Variants in POLR2J observed in about 807,000 individuals in gnomAD.
POLR2J encodes RNA polymerase II subunit J.
A neutral mutation model predicts 13.4 loss-of-function variants in POLR2J; 12 were observed. The ratio of observed to expected loss-of-function variants is 0.90; its 90% CI spans 0.57 to 1.45. The LOEUF is 1.45. Among genes scored for constraint, POLR2J ranks in the 40% most tolerant of loss-of-function variants. The pLI, the probability that POLR2J is intolerant of heterozygous loss-of-function variation, is 0.00. For synonymous variants in POLR2J, 31 were observed against 53.6 expected, an observed-to-expected ratio of 0.58 and a Z score of 1.84; for missense variants, 58 against 132.0, an observed-to-expected ratio of 0.44 and a Z score of 2.75.
intron 3 of POLR2J, 66 bp from the exon 4 acceptor site, chr7:102,473,750 G>A: frequency 1.2e-6 from 2 of 1,605,194 alleles, no homozygotes; most frequent in East Asian, 2.2e-5. Context: ...GGAAACACAT[G>A]CCCAGCATCC....
At chr7:102,475,106 G>A (rs1360435679) in intron 2 of POLR2J, among the ~76,000 whole-genome samples, 1 of 152,174 alleles carries the variant, frequency 6.6e-6, no homozygotes, top group Non-Finnish European at 1.5e-5. Flanking sequence ...GTGCATAGGT[G>A]GCAACACTGA....
Position 102,473,478 on chromosome 7 carries a change from A to AGGAATATAAAACCTAATCTATGT in POLR2J, c.*148_*170dup. 1 of 808,798 alleles carries AGGAATATAAAACCTAATCTATGT rather than the reference A, an allele frequency of 1.2e-6. No homozygotes were observed. The highest frequency in any genetic ancestry group is 1.7e-6 in the Non-Finnish European group (1 of 582,046). 50.1% of individuals were successfully genotyped at this position (808,798 alleles called of 1,614,324 possible). On this transcript the variant is annotated 3_prime_UTR_variant, in exon 4 of 4. Coordinates refer to ENST00000292614, the MANE Select transcript of POLR2J (RefSeq NM_006234.6). Reference sequence around the variant, plus strand: ...CAGGTCTCTCCCGCTATACTTTATTAGGAATATAAAACCTAATCTATGTAC... The same window carrying AGGAATATAAAACCTAATCTATGT: ...CAGGTCTCTCCCGCTATACTTTATTAGGAATATAAAACCTAATCTATGTGGAATATAAAACCTAATCTATGTAC...
intron 1 of POLR2J, among the ~76,000 whole-genome samples, chr7:102,477,096 C>T (rs1426885388): frequency 4.8e-5 from 6 of 124,964 alleles, no homozygotes; most frequent in Non-Finnish European, 9.0e-5. Context: ...CTGTGAGTTC[C>T]GAAAGCAACC....
Position 102,473,537 on chromosome 7 carries a change from C to A in POLR2J, c.*112G>T, listed in dbSNP as rs1798302888. 2 of 1,086,214 alleles carry A rather than the reference C, an allele frequency of 1.8e-6. No individual in the cohort carries two copies. Among genetic ancestry groups the A allele is most frequent in the Admixed American group, 3.9e-5 (1 of 25,918 alleles). The allele number at this position is 1,086,214 out of a possible 1,614,324, so 67.3% of individuals were successfully genotyped here. ...TCGGTGTCAGGGTGAGGGGTGGCCA[C>A]AAGGCGGGCCATGGCTGGGACCGGC... On this transcript the variant is annotated 3_prime_UTR_variant, in exon 4 of 4. Coordinates refer to ENST00000292614, the MANE Select transcript of POLR2J (RefSeq NM_006234.6).
chr7:102,474,922 C>T (rs1798379114), intron 2 of POLR2J, among the ~76,000 whole-genome samples: 1 of 150,246 alleles, frequency 6.7e-6, no homozygotes, highest in Admixed American at 6.7e-5. Context: ...GGGCCAGCTG[C>T]CGGCAGTGAG....
intron 3 of POLR2J, 96 bp downstream of exon 3, chr7:102,474,265 A>C (rs1798345916): frequency 6.2e-7 from 1 of 1,607,508 alleles, no homozygotes; most frequent in African/African-American, 1.3e-5. Context: ...CCTCTCCCCC[A>C]GGACCTCCGA....
At chr7:102,474,325 G>T in intron 3 of POLR2J, 36 bp downstream of exon 3, 1 of 1,611,774 alleles carries the variant, frequency 6.2e-7, no homozygotes, top group South Asian at 1.1e-5. Flanking sequence ...CCAGTGTCCA[G>T]CCCACCCCGT....
rs2229797 is a variant in POLR2J at position 102,473,628 on chromosome 7, G to T, written c.*21C>A. On this transcript the variant is annotated 3_prime_UTR_variant, in exon 4 of 4. Coordinates refer to ENST00000292614, the MANE Select transcript of POLR2J (RefSeq NM_006234.6). ...CAGGTAGGAACGGGGCTCACAGGCC[G>T]AGCAGAGCCCCCTCTGGCCCCTACT... 5 of 1,595,598 alleles carry T rather than the reference G, an allele frequency of 3.1e-6. No homozygotes were observed. The African/African-American group carries it at 5.7e-5, about 18-fold the overall frequency.
intron 3 of POLR2J, 78 bp downstream of exon 3, chr7:102,474,283 G>A: frequency 6.2e-7 from 1 of 1,610,280 alleles, no homozygotes; most frequent in Non-Finnish European, 8.5e-7. Flanking sequence ...CGAAGAAACA[G>A]GCCAGGGCTG....
Position 102,473,174 on chromosome 7 carries a change from T to G in POLR2J, c.*475A>C, listed in dbSNP as rs997826589. The G allele has an allele frequency of 8.7e-7, 1 of 1,154,306 alleles. No homozygotes were observed. The highest frequency in any genetic ancestry group is 2.6e-5 in the Admixed American group (1 of 38,110). The allele number at this position is 1,154,306 out of a possible 1,614,324, so 71.5% of individuals were successfully genotyped here. A position where few individuals can be genotyped will look rare whatever the true frequency, so the allele number is the denominator to read the frequency against. On this transcript the variant is annotated 3_prime_UTR_variant, in exon 4 of 4. Transcript: ENST00000292614. ...AACTCTACTGTGGACAAGAAGCCTG[T>G]GGAAAGGTGTTTCGAGTTATGCAGG...
chr7:102,474,623 G>A (rs1381557567), intron 2 of POLR2J, 88 bp from the exon 3 acceptor site: 4 of 1,383,808 alleles, frequency 2.9e-6, no homozygotes, highest in East Asian at 4.6e-5. Context: ...AGACTTTCTA[G>A]CCAAAAATCC....
chr7:102,478,721 C>G, intron 1 of POLR2J, 87 bp downstream of exon 1: 1 of 1,573,134 alleles, frequency 6.4e-7, no homozygotes, highest in East Asian at 2.3e-5. Context: ...TGTTTCCCTC[C>G]CGGGGCAAGA....
chr7:102,473,420 G>A lies in POLR2J; in HGVS notation c.*229C>T. On this transcript the variant is annotated 3_prime_UTR_variant, in exon 4 of 4. Coordinates refer to ENST00000292614, the MANE Select transcript of POLR2J (RefSeq NM_006234.6). ...CTGCATCAAGCCTGACAATCCATTTGCTTGCGAAGTCACCGCTGCTCAAGT... is the reference window on the plus strand; with the variant it reads ...CTGCATCAAGCCTGACAATCCATTTACTTGCGAAGTCACCGCTGCTCAAGT... The A allele has an allele frequency of 1.7e-6, 1 of 596,174 alleles. No homozygotes were observed. The highest frequency in any genetic ancestry group is 3.6e-5 in the East Asian group (1 of 27,480). The allele number at this position is 596,174 out of a possible 1,614,324, so 36.9% of individuals were successfully genotyped here. A position where few individuals can be genotyped will look rare whatever the true frequency, so the allele number is the denominator to read the frequency against.
intron 1 of POLR2J, among the ~76,000 whole-genome samples, chr7:102,478,357 C>T (rs1245360230): frequency 0.024 from 2,546 of 107,196 alleles, 44 homozygotes; most frequent in Non-Finnish European, 0.038. Context: ...GATCAAGCCA[C>T]TCGCCCACAG....
chr7:102,473,487 A>G lies in POLR2J; in HGVS notation c.*162T>C. 1 of 885,076 alleles carries G rather than the reference A, an allele frequency of 1.1e-6. No individual in the cohort carries two copies. The highest frequency in any genetic ancestry group is 2.2e-5 in the South Asian group (1 of 45,504). 54.8% of individuals were successfully genotyped at this position (885,076 alleles called of 1,614,324 possible). On this transcript the variant is annotated 3_prime_UTR_variant, in exon 4 of 4. Coordinates refer to ENST00000292614, the MANE Select transcript of POLR2J (RefSeq NM_006234.6). ...CCCGCTATACTTTATTAGGAATATA[A>G]AACCTAATCTATGTACAGGACACGT...
chr7:102,474,090 G>A (rs1798335026), intron 3 of POLR2J: 15 of 1,465,592 alleles, frequency 1.0e-5, no homozygotes, highest in African/African-American at 1.4e-5. Context: ...CACCCCCAAA[G>A]GACAGTAGGT....
rs150167848 is a variant in POLR2J, at chr7:102,473,590, G to A, written c.*59C>T. The stretch of plus-strand genomic sequence containing the variant: ...CTCTCCTCGGTGTGGTACCTGGAGC[G>A]GAGGGTCAGGCACAGGTAGGAACGG... On this transcript the variant is annotated 3_prime_UTR_variant, in exon 4 of 4. Transcript: ENST00000292614. 1.3e-3 allele frequency: 2,138 copies of A among 1,607,210 alleles called. 28 individuals carry two copies. In the African/African-American group the frequency reaches 0.018, roughly 13 times the overall value.
At chr7:102,473,759 C>CCCCCCCGCCAGGCCCTT in intron 3 of POLR2J, 75 bp from the exon 4 acceptor site, 2 of 1,381,224 alleles carry the variant, frequency 1.4e-6, no homozygotes, top group Admixed American at 3.9e-5. Flanking sequence ...TGCCCAGCAT[C>CCCCCCCGCCAGGCCCTT]CCCCCCGCCA....
intron 3 of POLR2J, chr7:102,473,995 G>C (rs1444585608): frequency 2.1e-6 from 3 of 1,437,152 alleles, no homozygotes; most frequent in East Asian, 2.5e-5. Flanking sequence ...GCCAGGAACA[G>C]GTGTGGGCCA....
Sources: allele counts gnomAD v4.1 joint callset (sites outside exome capture counted in the v4.1 genomes callset), GRCh38; gene constraint gnomAD v4.1.1; transcripts MANE v1.5; gene names NCBI Gene and HGNC (gene_info 2026-07-23, HGNC 2026-07-21).